Variants in TSPAN11 observed in about 807,000 individuals in gnomAD.
TSPAN11 encodes tetraspanin 11.
Under a neutral mutation model 32.9 loss-of-function variants are expected in TSPAN11, and 29 were observed. The ratio of observed to expected loss-of-function variants is 0.88; its 90% CI spans 0.66 to 1.20. TSPAN11 has a LOEUF of 1.20. TSPAN11 is among the 50% of genes most tolerant of loss of function. The pLI, the probability that TSPAN11 is intolerant of heterozygous loss-of-function variation, is 0.00. For synonymous variants in TSPAN11, 140 were observed against 141.3 expected, an observed-to-expected ratio of 0.99 and a Z score of 0.07; for missense variants, 283 against 329.1, an observed-to-expected ratio of 0.86 and a Z score of 1.08.
downstream of TSPAN11, among the ~76,000 whole-genome samples, chr12:31,001,396 C>G (rs1939476602): frequency 6.6e-6 from 1 of 152,218 alleles, no homozygotes; most frequent in African/African-American, 2.4e-5. Flanking sequence ...GGGTCACTGC[C>G]TCTCCCACAC....
chr12:30,964,153 T>C, intron 3 of TSPAN11, 136 bp downstream of exon 3: 2 of 1,137,240 alleles, frequency 1.8e-6, no homozygotes, highest in Non-Finnish European at 2.4e-6. Flanking sequence ...GGGTGGCTGC[T>C]CCTGGGTCTG....
downstream of TSPAN11, among the ~76,000 whole-genome samples, chr12:30,998,366 A>T (rs1425159736): frequency 6.6e-6 from 1 of 152,162 alleles, no homozygotes; most frequent in Non-Finnish European, 1.5e-5. Context: ...CCAAAGACCA[A>T]GTTGTCATTG....
In TSPAN11 at chr12:30,995,441, T is replaced by C. The variant is rs1939397688; in HGVS notation, c.*3526T>C. On this transcript the variant is annotated 3_prime_UTR_variant, in exon 8 of 8. Coordinates refer to ENST00000546076, the MANE Select transcript of TSPAN11 (RefSeq NM_001370302.1). ...GTGATTTCTGTCAGGGAGCTTGTGC[T>C]GTGCATGGCCAGAGGTGTTTACATC... 6.6e-6 allele frequency: 1 copy of C among 152,460 alleles called. No individual in the cohort carries two copies. 9.4% of individuals were successfully genotyped at this position (152,460 alleles called of 1,614,324 possible).
intron 7 of TSPAN11, among the ~76,000 whole-genome samples, chr12:30,991,115 G>C (rs955102380): frequency 6.6e-6 from 1 of 152,198 alleles, no homozygotes; most frequent in Non-Finnish European, 1.5e-5. Flanking sequence ...GTCTGCTTTG[G>C]ACCAGATGCT....
At chr12:30,943,215 C>G (rs1938201873) in intron 1 of TSPAN11, among the ~76,000 whole-genome samples, 1 of 152,280 alleles carries the variant, frequency 6.6e-6, no homozygotes, top group Non-Finnish European at 1.5e-5. Flanking sequence ...TTCTTAGCTT[C>G]CGCCAGAGAC....
intron 1 of TSPAN11, among the ~76,000 whole-genome samples, chr12:30,937,897 A>G (rs1938079267): frequency 6.6e-6 from 1 of 152,232 alleles, no homozygotes; most frequent in African/African-American, 2.4e-5. Flanking sequence ...CTGATTTCAG[A>G]CACATCCATG....
Position 30,963,244 on chromosome 12 carries a change from C to T in TSPAN11, c.85-582C>T, listed in dbSNP as rs145379771. 1.9e-3 allele frequency among the ~76,000 whole-genome samples: 292 copies of T among 152,314 alleles called. 2 individuals carry two copies. The highest frequency in any genetic ancestry group is 6.7e-3 in the African/African-American group (280 of 41,574). ...TCTGAGTTCTCCTCCTGTCTCTGCC[C>T]CTAACCCTGCCCCCAACTACAGGCA... On this transcript the variant is annotated intron_variant, in intron 2 of 7. Transcript: ENST00000546076.
At chr12:30,940,580 A>G (rs551350194) in intron 1 of TSPAN11, among the ~76,000 whole-genome samples, 1 of 152,296 alleles carries the variant, frequency 6.6e-6, no homozygotes, top group African/African-American at 2.4e-5. Flanking sequence ...TAAAGAGCCA[A>G]CCTGGGATGT....
At position 30,996,590 on chromosome 12, in the gene TSPAN11, G is replaced by C. The variant is rs1317448653; in HGVS notation, c.*4675G>C. 6.6e-6 allele frequency: 1 copy of C among 152,192 alleles called. No individual in the cohort carries two copies. Among genetic ancestry groups the C allele is most frequent in the Admixed American group, 6.5e-5 (1 of 15,284 alleles). The allele number at this position is 152,192 out of a possible 1,614,324, so 9.4% of individuals were successfully genotyped here. Reference sequence around the variant, plus strand: ...GCATGATAATGATAATAAAGGAATTGTATCTAGGACTACCTTCTGTTGAAT... The same window carrying C: ...GCATGATAATGATAATAAAGGAATTCTATCTAGGACTACCTTCTGTTGAAT... On this transcript the variant is annotated 3_prime_UTR_variant, in exon 8 of 8. Coordinates refer to ENST00000546076, the MANE Select transcript of TSPAN11 (RefSeq NM_001370302.1).
chr12:31,009,156 G>A, the TSPAN11 span, among the ~76,000 whole-genome samples: 1 of 152,188 alleles, frequency 6.6e-6, no homozygotes, highest in Non-Finnish European at 1.5e-5. Flanking sequence ...TCGCAAATGC[G>A]CCTTCCACAC....
At chr12:30,968,938 C>T (rs578092229) in intron 3 of TSPAN11, among the ~76,000 whole-genome samples, 2 of 152,308 alleles carry the variant, frequency 1.3e-5, no homozygotes, top group East Asian at 3.9e-4. Context: ...GGGTAAGTCA[C>T]TCAGCTTCTG....
intron 1 of TSPAN11, 53 bp downstream of exon 1, chr12:30,926,849 G>A: frequency 1.0e-6 from 1 of 989,304 alleles, no homozygotes; most frequent in South Asian, 1.6e-5. Context: ...GGGGGCTGGG[G>A]GTCCAGGAGA....
chr12:30,973,729 T>C (rs1938900935), intron 3 of TSPAN11, among the ~76,000 whole-genome samples: 1 of 152,228 alleles, frequency 6.6e-6, no homozygotes, highest in South Asian at 2.1e-4. Context: ...CTGTGAATTC[T>C]AACTACATGG....
At chr12:30,940,896 A>G (rs1938146759) in intron 1 of TSPAN11, among the ~76,000 whole-genome samples, 1 of 152,168 alleles carries the variant, frequency 6.6e-6, no homozygotes, top group South Asian at 2.1e-4. Flanking sequence ...AGGAGCACGA[A>G]CCCTATTATG....
At chr12:30,983,245 T>G in intron 7 of TSPAN11, 95 bp downstream of exon 7, 1 of 1,277,792 alleles carries the variant, frequency 7.8e-7, no homozygotes, top group East Asian at 2.5e-5. Context: ...CTGAAATAAC[T>G]GACCCTTTGC....
At chr12:30,950,035 A>T (rs1938350484) in intron 1 of TSPAN11, among the ~76,000 whole-genome samples, 1 of 151,584 alleles carries the variant, frequency 6.6e-6, no homozygotes, top group South Asian at 2.1e-4. Context: ...TCTTACACAC[A>T]CTGCCTGCCT....
At chr12:30,965,708 C>A (rs1049935984) in intron 3 of TSPAN11, among the ~76,000 whole-genome samples, 1 of 152,224 alleles carries the variant, frequency 6.6e-6, no homozygotes, top group African/African-American at 2.4e-5. Context: ...CTCACTCAGT[C>A]CTCGCCCTGC....
intron 1 of TSPAN11, among the ~76,000 whole-genome samples, chr12:30,950,062 T>C (rs1157537693): frequency 1.3e-5 from 2 of 152,074 alleles, no homozygotes; most frequent in Admixed American, 1.3e-4. Flanking sequence ...ACCTCCTCTC[T>C]ATGCTGTTCA....
intron 6 of TSPAN11, 69 bp from the exon 7 acceptor site, chr12:30,982,995 A>T: frequency 6.7e-7 from 1 of 1,500,202 alleles, no homozygotes; most frequent in Non-Finnish European, 9.1e-7. Flanking sequence ...CTGCAGTGAC[A>T]GCCCGCCCTC....
Sources: allele counts gnomAD v4.1 joint callset (sites outside exome capture counted in the v4.1 genomes callset), GRCh38; gene constraint gnomAD v4.1.1; transcripts MANE v1.5; gene names NCBI Gene and HGNC (gene_info 2026-07-23, HGNC 2026-07-21).